Variants in RASEF observed in about 807,000 individuals in gnomAD.
The protein encoded by RASEF is ras and EF-hand domain-containing protein.
Under a neutral mutation model 90.1 loss-of-function variants are expected in RASEF, and 68 were observed. The ratio of observed to expected loss-of-function variants is 0.75; its 90% CI spans 0.62 to 0.92. RASEF has a LOEUF of 0.92. RASEF is among the 40% of genes least tolerant of loss of function. RASEF has a pLI of 0.00. For synonymous variants in RASEF, 331 were observed against 345.2 expected, an observed-to-expected ratio of 0.96 and a Z score of 0.46; for missense variants, 949 against 937.2, an observed-to-expected ratio of 1.01 and a Z score of -0.16.
the RASEF span, among the ~76,000 whole-genome samples, chr9:83,139,145 T>C: frequency 1.3e-5 from 2 of 152,028 alleles, no homozygotes; most frequent in Admixed American, 6.6e-5. Flanking sequence ...ATCATAAGAG[T>C]AGGGAGCTTG....
the RASEF span, among the ~76,000 whole-genome samples, chr9:83,164,227 G>GA: frequency 2.0e-5 from 3 of 150,216 alleles, no homozygotes; most frequent in Non-Finnish European, 3.0e-5. Flanking sequence ...ATCAGAGGAG[G>GA]AAAAAATGAA....
intron 8 of RASEF, among the ~76,000 whole-genome samples, chr9:83,005,054 A>C (rs1829103510): frequency 6.6e-6 from 1 of 152,160 alleles, no homozygotes; most frequent in Non-Finnish European, 1.5e-5. Flanking sequence ...CAAATGAGCT[A>C]AGCTGATTTC....
At chr9:83,082,881 A>G in the RASEF span, among the ~76,000 whole-genome samples, 8 of 152,204 alleles carry the variant, frequency 5.3e-5, no homozygotes, top group African/African-American at 1.9e-4. Context: ...GACACTGGTG[A>G]AGTAGAAAAC....
the RASEF span, among the ~76,000 whole-genome samples, chr9:83,199,444 A>G: frequency 2.0e-5 from 3 of 152,150 alleles, no homozygotes; most frequent in African/African-American, 4.8e-5. Context: ...AGACAGCATC[A>G]TCCACTAGAG....
the RASEF span, among the ~76,000 whole-genome samples, chr9:83,200,508 C>T: frequency 6.6e-6 from 1 of 152,222 alleles, no homozygotes; most frequent in Admixed American, 6.5e-5. Flanking sequence ...CCCAGATCAA[C>T]TCCCACTGAG....
Position 82,992,997 on chromosome 9 carries a change from A to G in RASEF, c.1949T>C (p.Met650Thr). 1 of 1,614,054 alleles carries G rather than the reference A, an allele frequency of 6.2e-7. No individual in the cohort carries two copies. The highest frequency in any genetic ancestry group is 1.3e-5 in the African/African-American group (1 of 75,030). The change falls in exon 15 of 17, where the codon ATG becomes ACG. Residue 650 changes from methionine (M) to threonine (T), a missense_variant. By Grantham distance (81) the Met-to-Thr change is moderately conservative. Around this residue, in one of 3 missense-constraint regions of RASEF, gnomAD observed 288 missense variants for 328.4 expected, o/e 0.88. Transcript: ENST00000376447. ...EDAAHETVPI[M>T]LVGNKADIRD... ...AATGTCAGCCTTGTTTCCTACCAGCATAATGGGAACAGTCTCATGGGCTGC... is the reference window on the plus strand; with the variant it reads ...AATGTCAGCCTTGTTTCCTACCAGCGTAATGGGAACAGTCTCATGGGCTGC...
At chr9:82,997,847 C>A (rs950462426) in intron 13 of RASEF, among the ~76,000 whole-genome samples, 1 of 152,128 alleles carries the variant, frequency 6.6e-6, no homozygotes, top group Non-Finnish European at 1.5e-5. Flanking sequence ...CCCATACTTA[C>A]GGGTTGAACA....
chr9:83,145,561 C>G, the RASEF span, among the ~76,000 whole-genome samples: 1 of 151,976 alleles, frequency 6.6e-6, no homozygotes, highest in African/African-American at 2.4e-5. Flanking sequence ...ACCACAACTT[C>G]TAAGGTTGGT....
the RASEF span, among the ~76,000 whole-genome samples, chr9:83,087,761 G>A: frequency 6.6e-6 from 1 of 151,734 alleles, no homozygotes; most frequent in Non-Finnish European, 1.5e-5. Flanking sequence ...TCTATTCTCT[G>A]TTTCATTTAC....
chr9:83,043,880 T>C (rs1041441842), intron 1 of RASEF, among the ~76,000 whole-genome samples: 10 of 152,160 alleles, frequency 6.6e-5, no homozygotes, highest in Non-Finnish European at 1.3e-4. Context: ...CGGTGGGACC[T>C]AAGAGTTTGC....
At chr9:83,003,533 C>A (rs750040001) in intron 9 of RASEF, among the ~76,000 whole-genome samples, 16 of 152,110 alleles carry the variant, frequency 1.1e-4, no homozygotes, top group Admixed American at 5.9e-4. Context: ...TTTTAAAAAT[C>A]GATTATTTCT....
chr9:83,072,802 T>A, the RASEF span, among the ~76,000 whole-genome samples: 1 of 152,194 alleles, frequency 6.6e-6, no homozygotes, highest in Non-Finnish European at 1.5e-5. Context: ...GGTCTGCCTC[T>A]CCCAGTCCAC....
chr9:83,023,855 G>A (rs375211468), intron 2 of RASEF, among the ~76,000 whole-genome samples: 4 of 152,244 alleles, frequency 2.6e-5, no homozygotes, highest in East Asian at 1.9e-4. Context: ...GGACTGCTCC[G>A]TAATGGACTC....
chr9:83,158,986 A>C, the RASEF span, among the ~76,000 whole-genome samples: 3 of 151,588 alleles, frequency 2.0e-5, no homozygotes, highest in Non-Finnish European at 4.4e-5. Flanking sequence ...GGAGATCGAG[A>C]CCATCCTGGC....
At chr9:83,037,744 ATTTT>A (rs35483330) in intron 1 of RASEF, among the ~76,000 whole-genome samples, 3 of 131,866 alleles carry the variant, frequency 2.3e-5, no homozygotes, top group Non-Finnish European at 3.2e-5. Flanking sequence ...TAAATGTCCT[ATTTT>A]TTTTTTTTTT....
intron 1 of RASEF, chr9:83,049,316 TGACGGG>T (rs1829997256): frequency 2.0e-6 from 2 of 985,234 alleles, no homozygotes; most frequent in Non-Finnish European, 2.4e-6. Context: ...TCAGCTAACC[TGACGGG>T]GATGCAGTTT....
the RASEF span, among the ~76,000 whole-genome samples, chr9:83,190,594 T>C: frequency 1.3e-5 from 2 of 152,244 alleles, no homozygotes; most frequent in African/African-American, 2.4e-5. Context: ...TTTTATCTTG[T>C]GCTTAATGAT....
At chr9:83,147,236 T>C in the RASEF span, among the ~76,000 whole-genome samples, 4 of 152,070 alleles carry the variant, frequency 2.6e-5, no homozygotes, top group African/African-American at 7.2e-5. Context: ...TAAGTTCTCT[T>C]GGTGACAAAA....
At chr9:83,039,844 G>A (rs1057347765) in intron 1 of RASEF, among the ~76,000 whole-genome samples, 1 of 152,116 alleles carries the variant, frequency 6.6e-6, no homozygotes, top group African/African-American at 2.4e-5. Flanking sequence ...CTGGTATCTG[G>A]AACTATTTCT....
Sources: gnomAD v4.1 joint callset for allele counts (sites outside exome capture counted in the v4.1 genomes callset) on GRCh38, gnomAD v4.1.1 for gene constraint, gnomAD v4.1.1 regional missense constraint, MANE v1.5 for transcripts, NCBI Gene and HGNC (gene_info 2026-07-23, HGNC 2026-07-21) for gene names.